SLCO3A1: variants seen among roughly 807,000 people sequenced by gnomAD.
SLCO3A1 encodes solute carrier organic anion transporter family member 3A1, also known as PGE1 transporter.
A neutral mutation model predicts 63.1 loss-of-function variants in SLCO3A1; 27 were observed. The observed-to-expected ratio is 0.43, with a 90% confidence interval of 0.32 to 0.59. The LOEUF is 0.59. Ranked by LOEUF, SLCO3A1 falls within the 20% of genes least tolerant of loss-of-function variation. SLCO3A1 has a pLI of 0.09. For missense variants in SLCO3A1, 773 were observed against 945.8 expected (o/e 0.82, Z 2.40); for synonymous variants, 473 against 409.9 (o/e 1.15, Z -1.86).
In SLCO3A1 at chr15:92,105,996, C is replaced by G. The variant is rs145779667; in HGVS notation, c.1009+1454C>G. 2.7e-3 allele frequency among the ~76,000 whole-genome samples: 406 copies of G among 152,298 alleles called. 2 individuals carry two copies. Among genetic ancestry groups the G allele is most frequent in the African/African-American group, 9.4e-3 (392 of 41,548 alleles). On this transcript the variant is annotated intron_variant, in intron 4 of 9. Coordinates refer to ENST00000318445, the MANE Select transcript of SLCO3A1 (RefSeq NM_013272.4). ...CCCCCTGTTCTGTTCCTCACCAGCC[C>G]TGCGATCATTAACTGCCCCCTGCTT...
intron 4 of SLCO3A1, among the ~76,000 whole-genome samples, chr15:92,114,728 G>A (rs183799945): frequency 1.3e-5 from 2 of 152,024 alleles, no homozygotes; most frequent in East Asian, 1.9e-4. Flanking sequence ...TCATGTGTTG[G>A]GAAGCTCCTC....
chr15:92,065,216 G>C (rs1360690537), intron 2 of SLCO3A1, among the ~76,000 whole-genome samples: 2 of 152,184 alleles, frequency 1.3e-5, no homozygotes, highest in Non-Finnish European at 2.9e-5. Context: ...CCAAGTAGCT[G>C]GGACTACAGG....
chr15:91,877,997 G>C (rs963443530), intron 1 of SLCO3A1, among the ~76,000 whole-genome samples: 1 of 151,700 alleles, frequency 6.6e-6, no homozygotes, highest in African/African-American at 2.4e-5. Context: ...CACCGGAACA[G>C]AGAGAACTGT....
Position 92,065,383 on chromosome 15 carries a change from C to T in SLCO3A1, c.647-29498C>T, listed in dbSNP as rs574743412. Among the ~76,000 whole-genome samples the T allele has an allele frequency of 2.0e-3, 301 of 152,268 alleles. 2 individuals are homozygous for T. Among genetic ancestry groups the T allele is most frequent in the South Asian group, 8.5e-3 (41 of 4,820 alleles). On this transcript the variant is annotated intron_variant, in intron 2 of 9. Coordinates refer to ENST00000318445, the MANE Select transcript of SLCO3A1 (RefSeq NM_013272.4). ...GATTATAGGTGTGAGCCACCACACC[C>T]GGCCATTTACCCAGATTTGATCATT... is the stretch of plus-strand genomic sequence containing the variant.
At chr15:92,148,585 C>CA (rs1450806976) in intron 8 of SLCO3A1, among the ~76,000 whole-genome samples, 6 of 152,178 alleles carry the variant, frequency 3.9e-5, no homozygotes, top group South Asian at 4.1e-4. Context: ...GACAAAATCA[C>CA]AAATTGCTGG....
At position 92,164,133 on chromosome 15, in the gene SLCO3A1, A is replaced by G. The variant is rs2048473382; in HGVS notation, c.*998A>G. ...TTCTAAAATCTGTGTTAACCCTTCA[A>G]GTCACTAACACAGTTCTCTAGGCCG... On this transcript the variant is annotated 3_prime_UTR_variant, in exon 10 of 10. Transcript: ENST00000318445. 1 of 983,206 alleles carries G rather than the reference A, an allele frequency of 1.0e-6. No individual in the cohort carries two copies. The highest frequency in any genetic ancestry group is 1.2e-6 in the Non-Finnish European group (1 of 827,982). 60.9% of individuals were successfully genotyped at this position (983,206 alleles called of 1,614,324 possible).
chr15:91,906,893 A>G (rs1898324108), intron 1 of SLCO3A1, among the ~76,000 whole-genome samples: 1 of 150,966 alleles, frequency 6.6e-6, no homozygotes, highest in Admixed American at 6.6e-5. Flanking sequence ...AAAATCAATG[A>G]TGAGATTTAT....
intron 2 of SLCO3A1, among the ~76,000 whole-genome samples, chr15:92,022,520 G>A (rs1436788452): frequency 6.6e-6 from 1 of 152,196 alleles, no homozygotes; most frequent in Non-Finnish European, 1.5e-5. Flanking sequence ...TTCTCAAAAT[G>A]CATTGTTTCT....
intron 6 of SLCO3A1, 152 bp from the exon 7 acceptor site, chr15:92,128,199 G>A (rs1202489731): frequency 1.1e-6 from 1 of 937,712 alleles, no homozygotes; most frequent in Non-Finnish European, 1.6e-6. Context: ...GGCTAAGGTT[G>A]GTAAAGGAAA....
rs998886510 is a variant in SLCO3A1 at position 92,021,878 on chromosome 15, C to A, written c.647-73003C>A. On this transcript the variant is annotated intron_variant, in intron 2 of 9. Coordinates refer to ENST00000318445, the MANE Select transcript of SLCO3A1 (RefSeq NM_013272.4). ...GGGAGGCAGAGGAGTGTCAGAGCCT[C>A]CTGTGCCGTTCCACCCAGCCTAATA... Among the ~76,000 whole-genome samples, 35 of 152,162 alleles carry A rather than the reference C, an allele frequency of 2.3e-4. No individual in the cohort carries two copies. The Middle Eastern group carries it at 0.014, about 59-fold the overall frequency.
At position 92,001,603 on chromosome 15, in the gene SLCO3A1, C is replaced by G. The variant is rs560825200; in HGVS notation, c.646+85145C>G. On this transcript the variant is annotated intron_variant, in intron 2 of 9. Coordinates refer to ENST00000318445, the MANE Select transcript of SLCO3A1 (RefSeq NM_013272.4). Reference sequence around the variant, plus strand: ...CAGCTCTGGGTCTCACATGCCCCCCCACCCAGGGAGATTGTTTAGTGGATT... The same window carrying G: ...CAGCTCTGGGTCTCACATGCCCCCCGACCCAGGGAGATTGTTTAGTGGATT... 5.3e-5 allele frequency among the ~76,000 whole-genome samples: 8 copies of G among 152,282 alleles called. No individual in the cohort carries two copies. The South Asian group carries it at 8.3e-4, about 16-fold the overall frequency.
intron 2 of SLCO3A1, among the ~76,000 whole-genome samples, chr15:92,072,201 G>GTTTTTTT (rs1567103625): frequency 7.6e-6 from 1 of 131,644 alleles, no homozygotes; most frequent in African/African-American, 2.7e-5. Flanking sequence ...TCTTTTTTTT[G>GTTTTTTT]GTTTTTTTTT....
chr15:92,170,457 A>C (rs2048515334), downstream of SLCO3A1, among the ~76,000 whole-genome samples: 1 of 152,208 alleles, frequency 6.6e-6, no homozygotes, highest in Non-Finnish European at 1.5e-5. Context: ...AGGTCTGAAA[A>C]CTAAAGCTCA....
intron 7 of SLCO3A1, among the ~76,000 whole-genome samples, chr15:92,143,239 C>G (rs988590633): frequency 7.0e-6 from 1 of 142,386 alleles, no homozygotes; most frequent in African/African-American, 2.6e-5. Context: ...TTTTTCCTCA[C>G]AGACCACTGC....
rs116601125 is a variant in SLCO3A1 at position 92,156,871 on chromosome 15, T to C, written c.1753+5857T>C. On this transcript the variant is annotated intron_variant, in intron 9 of 9. Transcript: ENST00000318445. ...CCCGTAAAGGAATTTGAACTTATTT[T>C]TCTTACAAAAGCCTTTCAGTTCACC... 8.9e-3 allele frequency among the ~76,000 whole-genome samples: 1,350 copies of C among 152,330 alleles called. 26 individuals are homozygous for C. The highest frequency in any genetic ancestry group is 0.031 in the African/African-American group (1,275 of 41,570).
Position 91,860,223 on chromosome 15 carries a change from G to A in SLCO3A1, c.180+6135G>A, listed in dbSNP as rs75159695. Among the ~76,000 whole-genome samples the A allele has an allele frequency of 1.3e-5, 2 of 152,170 alleles. No individual in the cohort carries two copies. The highest frequency in any genetic ancestry group is 2.1e-4 in the South Asian group (1 of 4,828). On this transcript the variant is annotated intron_variant, in intron 1 of 9. Transcript: ENST00000318445. This position sits in a 1 kb window ranked among gnomAD's most constrained non-coding sequence, Gnocchi z 5.5. ...TCCTCAGTATCTCTTGCTGTGGTCT[G>A]TGGCCACTGGGTGCTGAAGGCTGAG...
chr15:91,971,952 G>A (rs1335673586), intron 2 of SLCO3A1, among the ~76,000 whole-genome samples: 3 of 152,012 alleles, frequency 2.0e-5, no homozygotes, highest in African/African-American at 4.8e-5. Context: ...TTTTTTATGA[G>A]TTTGGAATAT....
At chr15:91,931,413 T>TAGCC (rs1465845654) in intron 2 of SLCO3A1, among the ~76,000 whole-genome samples, 1 of 151,708 alleles carries the variant, frequency 6.6e-6, no homozygotes. Context: ...TGCTGTCAGG[T>TAGCC]AGCCCCTCCT....
chr15:92,162,877 G>C lies in SLCO3A1; in HGVS notation c.1875G>C (p.Leu625=), dbSNP rs755672157. The change falls in exon 10 of 10, where the codon CTG becomes CTC. Residue 625 remains leucine (L), a synonymous_variant. Coordinates refer to ENST00000318445, the MANE Select transcript of SLCO3A1 (RefSeq NM_013272.4). ...ACGACAATGTGGTCTACCGATACCT[G>C]TATGTCAGCATCGCCATCGCGCTCA... ...VLYDNVVYRY[L]YVSIAIALKS... is the part of the protein sequence containing the mutation. The C allele has an allele frequency of 6.2e-7, 1 of 1,614,214 alleles. No individual in the cohort carries two copies. Among genetic ancestry groups the C allele is most frequent in the East Asian group, 2.2e-5 (1 of 44,888 alleles).
Sources: allele counts gnomAD v4.1 joint callset (sites outside exome capture counted in the v4.1 genomes callset), GRCh38; gene constraint gnomAD v4.1.1; non-coding constraint Gnocchi (gnomAD v3.1); transcripts MANE v1.5; gene names NCBI Gene and HGNC (gene_info 2026-07-23, HGNC 2026-07-21).